The following PSMD9 variants were observed in gnomAD, a reference collection of about 807,000 sequenced individuals.
The protein encoded by PSMD9 is 26S proteasome non-ATPase regulatory subunit 9.
Under a neutral mutation model 25.9 loss-of-function variants are expected in PSMD9, and 26 were observed. The ratio of observed to expected loss-of-function variants is 1.00; its 90% CI spans 0.73 to 1.39. The LOEUF is 1.39. Ranked by LOEUF, PSMD9 falls within the 40% of genes most tolerant of loss-of-function variation. PSMD9 has a pLI of 0.00. For synonymous variants in PSMD9, 110 were observed against 114.5 expected (o/e 0.96, Z 0.25); for missense variants, 303 against 299.3 (o/e 1.01, Z -0.09).
intron 1 of PSMD9, chr12:121,894,031 G>A (rs1312404352): frequency 6.6e-6 from 1 of 151,986 alleles, no homozygotes; most frequent in Admixed American, 6.6e-5. Flanking sequence ...TGCCCAGCTT[G>A]TACATGGCAG....
intron 3 of PSMD9, among the ~76,000 whole-genome samples, chr12:121,900,249 G>A (rs563048722): frequency 1.4e-4 from 21 of 152,104 alleles, no homozygotes; most frequent in Non-Finnish European, 2.6e-4. Context: ...TGGCTCATGC[G>A]TGTAATCCCA....
intron 1 of PSMD9, among the ~76,000 whole-genome samples, chr12:121,889,218 CTG>C (rs2137671184): frequency 6.6e-6 from 1 of 152,366 alleles, no homozygotes; most frequent in African/African-American, 2.4e-5. Context: ...TGGAGCCCTG[CTG>C]TGTGCTAGGC....
chr12:121,895,172 A>G (rs1036316358), intron 2 of PSMD9, among the ~76,000 whole-genome samples: 2 of 151,864 alleles, frequency 1.3e-5, no homozygotes, highest in African/African-American at 4.8e-5. Flanking sequence ...CAGCCTCCCA[A>G]GTAGCTGGGA....
intron 1 of PSMD9, among the ~76,000 whole-genome samples, chr12:121,891,168 T>C (rs1038612184): frequency 1.3e-5 from 2 of 149,906 alleles, no homozygotes; most frequent in African/African-American, 4.9e-5. Context: ...TGGTGGTGCA[T>C]GCCTGTAGTC....
At chr12:121,899,919 A>C in intron 3 of PSMD9, 74 bp downstream of exon 3, 2 of 1,513,576 alleles carry the variant, frequency 1.3e-6, no homozygotes, top group Non-Finnish European at 1.8e-6. Flanking sequence ...GGGATGTGGA[A>C]AGACAGACTA....
At chr12:121,905,486 A>G (rs1427364086) in intron 4 of PSMD9, among the ~76,000 whole-genome samples, 2 of 149,512 alleles carry the variant, frequency 1.3e-5, no homozygotes, top group Non-Finnish European at 3.0e-5. Flanking sequence ...GGCCTCCCAA[A>G]GTGCTGGGAT....
intron 2 of PSMD9, among the ~76,000 whole-genome samples, chr12:121,897,029 A>G (rs1879254352): frequency 6.6e-6 from 1 of 152,132 alleles, no homozygotes. Context: ...TATGCAAAAT[A>G]CACATATGAG....
At chr12:121,912,939 C>CTT (rs199915628) in intron 4 of PSMD9, among the ~76,000 whole-genome samples, 14 of 129,300 alleles carry the variant, frequency 1.1e-4, no homozygotes, top group East Asian at 2.4e-4. Flanking sequence ...CTTTTCTTTT[C>CTT]TTTTTTTTTT....
rs1879981688 is a variant in PSMD9 at position 121,918,166 on chromosome 12, C to T, written c.*1855C>T. 2.0e-5 allele frequency: 3 copies of T among 152,378 alleles called. No individual in the cohort carries two copies. Among genetic ancestry groups the T allele is most frequent in the Admixed American group, 2.0e-4 (3 of 15,280 alleles). 9.4% of individuals were successfully genotyped at this position (152,378 alleles called of 1,614,324 possible). A position where few individuals can be genotyped will look rare whatever the true frequency, so the allele number is the denominator to read the frequency against. ...GCTGAGAACCGCAAGCTGGTGCACC[C>T]TGTGTCATATCTGCCCCCAGCCAGC... On this transcript the variant is annotated 3_prime_UTR_variant, in exon 6 of 6. Transcript: ENST00000541212. This position sits in a 1 kb window ranked among gnomAD's most constrained non-coding sequence, Gnocchi z 4.3.
At chr12:121,915,594 T>C (rs1879871725) in intron 4 of PSMD9, 1 of 435,712 alleles carries the variant, frequency 2.3e-6, no homozygotes, top group Non-Finnish European at 4.1e-6. Context: ...CTTGCAATTG[T>C]GTACTATGTA....
rs1295267548 is a variant in PSMD9, at chr12:121,899,711, A to G, written c.319A>G (p.Lys107Glu). ...LHQLHARDKEKQARDMAEAHK... is the reference protein window; with the variant it reads ...LHQLHARDKEEQARDMAEAHK... ...CCAGCTGCACGCTCGCGACAAGGAGAAGCAGGCCCGGGACATGGCTGAGGC... is the reference window on the plus strand; with the variant it reads ...CCAGCTGCACGCTCGCGACAAGGAGGAGCAGGCCCGGGACATGGCTGAGGC... Residue 107 changes from lysine to glutamate, a missense_variant, in exon 3 of 6, where the codon AAG becomes GAG. Lys to Glu is a moderately conservative substitution (Grantham distance 56). Transcript: ENST00000541212. 3 of 1,613,968 alleles carry G rather than the reference A, an allele frequency of 1.9e-6. No individual in the cohort carries two copies. Among genetic ancestry groups the G allele is most frequent in the Admixed American group, 3.3e-5 (2 of 59,982 alleles).
rs751348803 is a variant in PSMD9, at chr12:121,903,014, A to G, written c.462A>G (p.Gln154=). Residue 154 remains glutamine, a synonymous_variant, in exon 4 of 6, where the codon CAA becomes CAG. Transcript: ENST00000541212. ...TTTCCTTCCCTCTCCAGGGTCTGCAAGTGGATGATGAGATTGTGGAGTTCG... is the reference window on the plus strand; with the variant it reads ...TTTCCTTCCCTCTCCAGGGTCTGCAGGTGGATGATGAGATTGTGGAGTTCG... The part of the protein sequence containing the change: ...PGSPASIAGL[Q]VDDEIVEFGS... 1 of 1,613,868 alleles carries G rather than the reference A, an allele frequency of 6.2e-7. No individual in the cohort carries two copies.
chr12:121,893,297 C>T (rs1037576070), intron 1 of PSMD9, among the ~76,000 whole-genome samples: 2 of 152,148 alleles, frequency 1.3e-5, no homozygotes, highest in East Asian at 1.9e-4. Context: ...TATCTCCCTG[C>T]GCAGTGGACA....
intron 4 of PSMD9, among the ~76,000 whole-genome samples, chr12:121,909,273 C>T (rs1448054883): frequency 6.6e-6 from 1 of 151,638 alleles, no homozygotes; most frequent in East Asian, 1.9e-4. Context: ...GTGTCCCTCA[C>T]ACAGTTTCCA....
chr12:121,892,436 C>T (rs970973717), intron 1 of PSMD9, among the ~76,000 whole-genome samples: 15 of 152,138 alleles, frequency 9.9e-5, no homozygotes, highest in African/African-American at 2.9e-4. Context: ...CATGGTGGCT[C>T]ATGCCTGTAA....
intron 4 of PSMD9, among the ~76,000 whole-genome samples, chr12:121,910,121 C>T (rs868361173): frequency 7.8e-6 from 1 of 127,584 alleles, no homozygotes; most frequent in Non-Finnish European, 1.6e-5. Flanking sequence ...GAGTCTCGCT[C>T]TATAGCCAGG....
chr12:121,917,087 T>A lies in PSMD9; in HGVS notation c.*776T>A, dbSNP rs912676619. 6.6e-6 allele frequency: 1 copy of A among 152,276 alleles called. No individual in the cohort carries two copies. The highest frequency in any genetic ancestry group is 2.4e-5 in the African/African-American group (1 of 41,450). 9.4% of individuals were successfully genotyped at this position (152,276 alleles called of 1,614,324 possible). On this transcript the variant is annotated 3_prime_UTR_variant, in exon 6 of 6. Transcript: ENST00000541212. ...TCGTGATCAAGGTTCACTGAAGCCT[T>A]GACGCTGTGGGCACTGCCTCAGCCG...
At chr12:121,906,161 A>G (rs556610932) in intron 4 of PSMD9, among the ~76,000 whole-genome samples, 7 of 152,144 alleles carry the variant, frequency 4.6e-5, no homozygotes, top group Non-Finnish European at 7.4e-5. Context: ...TAGTGATTCA[A>G]TTTTAAGCAA....
chr12:121,907,910 G>A (rs191994654), intron 4 of PSMD9, among the ~76,000 whole-genome samples: 5 of 152,206 alleles, frequency 3.3e-5, no homozygotes, highest in Admixed American at 2.6e-4. Flanking sequence ...CAAGCATAGT[G>A]GCATGTGGCC....
Sources: gnomAD v4.1 joint callset for allele counts (sites outside exome capture counted in the v4.1 genomes callset) on GRCh38, gnomAD v4.1.1 for gene constraint, Gnocchi (gnomAD v3.1) non-coding constraint, MANE v1.5 for transcripts, NCBI Gene and HGNC (gene_info 2026-07-23, HGNC 2026-07-21) for gene names.